Variants in RAB8B observed in about 807,000 individuals in gnomAD.
RAB8B encodes RAB8B, member RAS oncogene family, also known as ras-related protein Rab-8B.
A neutral mutation model predicts 32.0 loss-of-function variants in RAB8B; 11 were observed. The observed-to-expected ratio is 0.34, with a 90% CI of 0.22 to 0.57. RAB8B has a LOEUF of 0.57. Ranked by LOEUF, RAB8B falls within the 20% of genes least tolerant of loss-of-function variation. The pLI is 0.86. For synonymous variants in RAB8B, 103 were observed against 89.6 expected (o/e 1.15, Z -0.85); for missense variants, 190 against 258.5 (o/e 0.73, Z 1.82).
At chr15:63,246,971 T>A (rs2038077487) in intron 2 of RAB8B, among the ~76,000 whole-genome samples, 1 of 152,196 alleles carries the variant, frequency 6.6e-6, no homozygotes, top group African/African-American at 2.4e-5. Flanking sequence ...TCTTATTATA[T>A]GTGTTCCTTA....
chr15:63,247,321 C>T (rs545643633), intron 2 of RAB8B, among the ~76,000 whole-genome samples: 1 of 152,340 alleles, frequency 6.6e-6, no homozygotes, highest in South Asian at 2.1e-4. Flanking sequence ...GGAACACAAA[C>T]TATTAGTCCT....
At chr15:63,222,097 G>A (rs1379708430) in intron 1 of RAB8B, among the ~76,000 whole-genome samples, 1 of 152,212 alleles carries the variant, frequency 6.6e-6, no homozygotes, top group Admixed American at 6.5e-5. Context: ...TAATGCAAGA[G>A]GAGAAAGGGA....
rs533871800 is a variant in RAB8B, at chr15:63,218,245, T to G, written c.125-26511T>G. Among the ~76,000 whole-genome samples, 3 of 152,358 alleles carry G rather than the reference T, an allele frequency of 2.0e-5. No individual in the cohort carries two copies. In the South Asian group the frequency reaches 6.2e-4, roughly 32 times the overall value. The stretch of plus-strand genomic sequence containing the variant: ...CAAGTTACTTATCTGGACCTCTGTT[T>G]CCTCTTACGTTAAATGGGGATTAAA... On this transcript the variant is annotated intron_variant, in intron 1 of 7. Transcript: ENST00000321437.
At chr15:63,211,882 A>G (rs894588773) in intron 1 of RAB8B, among the ~76,000 whole-genome samples, 7 of 152,192 alleles carry the variant, frequency 4.6e-5, no homozygotes, top group Admixed American at 2.6e-4. Context: ...TTTAGGCTGG[A>G]GTGCAGTGGC....
chr15:63,204,551 T>G (rs1457751087), intron 1 of RAB8B, among the ~76,000 whole-genome samples: 1 of 152,208 alleles, frequency 6.6e-6, no homozygotes, highest in Admixed American at 6.5e-5. Context: ...ACAGTGAGTT[T>G]CTGAGTGAAA....
chr15:63,266,142 T>C lies in RAB8B; in HGVS notation c.*2523T>C, dbSNP rs561225286. 2 of 152,722 alleles carry C rather than the reference T, an allele frequency of 1.3e-5. No individual in the cohort carries two copies. The highest frequency in any genetic ancestry group is 2.4e-5 in the African/African-American group (1 of 41,578). 9.5% of individuals were successfully genotyped at this position (152,722 alleles called of 1,614,324 possible). ...CGCTGAAACTGAAGAAATCTAGTTT[T>C]TTTGTGAACATTTTTGTGGTCTTAT... On this transcript the variant is annotated 3_prime_UTR_variant, in exon 8 of 8. Coordinates refer to ENST00000321437, the MANE Select transcript of RAB8B (RefSeq NM_016530.3).
intron 1 of RAB8B, among the ~76,000 whole-genome samples, chr15:63,228,623 G>A (rs2037908615): frequency 6.6e-6 from 1 of 152,200 alleles, no homozygotes; most frequent in African/African-American, 2.4e-5. Flanking sequence ...TAGAGAAAGA[G>A]GAACATATTT....
At chr15:63,212,608 G>A (rs1035530651) in intron 1 of RAB8B, among the ~76,000 whole-genome samples, 1 of 152,184 alleles carries the variant, frequency 6.6e-6, no homozygotes, top group Non-Finnish European at 1.5e-5. Flanking sequence ...GAAAGGAAAT[G>A]TCACTGCTGA....
At chr15:63,213,110 G>C (rs569588043) in intron 1 of RAB8B, among the ~76,000 whole-genome samples, 1 of 152,120 alleles carries the variant, frequency 6.6e-6, no homozygotes, top group South Asian at 2.1e-4. Context: ...TCTAGGTTCT[G>C]ACTATTCTCT....
chr15:63,219,501 C>T (rs1542146), intron 1 of RAB8B, among the ~76,000 whole-genome samples: 149,778 of 151,508 alleles, frequency 0.99, 74,053 homozygotes, highest in East Asian at 1. Flanking sequence ...AACATGACAA[C>T]AGATAAGAGA....
At chr15:63,223,090 G>A (rs1470070484) in intron 1 of RAB8B, 2 of 452,606 alleles carry the variant, frequency 4.4e-6, no homozygotes, top group South Asian at 1.6e-5. Flanking sequence ...ACCCTATATA[G>A]GTATACCATT....
chr15:63,247,643 T>C (rs928363514), intron 2 of RAB8B, among the ~76,000 whole-genome samples: 1 of 152,224 alleles, frequency 6.6e-6, no homozygotes, highest in African/African-American at 2.4e-5. Context: ...AGACAAAACG[T>C]AGAATTCAGA....
At chr15:63,211,657 T>C (rs981752415) in intron 1 of RAB8B, among the ~76,000 whole-genome samples, 4 of 152,162 alleles carry the variant, frequency 2.6e-5, no homozygotes, top group Admixed American at 6.5e-5. Flanking sequence ...GTCATAGTTT[T>C]GGTGGATTTT....
chr15:63,237,592 C>G (rs1044775245), intron 1 of RAB8B, among the ~76,000 whole-genome samples: 1 of 152,036 alleles, frequency 6.6e-6, no homozygotes, highest in Non-Finnish European at 1.5e-5. Context: ...AAGATTTTTT[C>G]CTGTAGAGCT....
intron 1 of RAB8B, among the ~76,000 whole-genome samples, chr15:63,242,769 C>G (rs748308035): frequency 2.0e-5 from 3 of 151,962 alleles, no homozygotes; most frequent in Admixed American, 2.0e-4. Flanking sequence ...TTGGAAACCA[C>G]TTTAAGGGGT....
chr15:63,259,809 C>A lies in RAB8B; in HGVS notation c.480+117C>A. The A allele has an allele frequency of 3.4e-6, 3 of 875,964 alleles. No individual in the cohort carries two copies. Among genetic ancestry groups the A allele is most frequent in the South Asian group, 1.6e-5 (1 of 64,192 alleles). 54.3% of individuals were successfully genotyped at this position (875,964 alleles called of 1,614,324 possible). A position where few individuals can be genotyped will look rare whatever the true frequency, so the allele number is the denominator to read the frequency against. ...ACCTAATGAATGCCTTTTGTTGACCCAACTCTACTTTGTACACTTTTGTGC... is the reference window on the plus strand; with the variant it reads ...ACCTAATGAATGCCTTTTGTTGACCAAACTCTACTTTGTACACTTTTGTGC... On this transcript the variant is annotated intron_variant, in intron 6 of 7. Coordinates refer to ENST00000321437, the MANE Select transcript of RAB8B (RefSeq NM_016530.3). The surrounding 1 kb of genome is among the most constrained non-coding windows in gnomAD (Gnocchi z 4.4).
intron 1 of RAB8B, among the ~76,000 whole-genome samples, chr15:63,240,641 T>C (rs2038024491): frequency 6.6e-6 from 1 of 152,282 alleles, no homozygotes; most frequent in East Asian, 1.9e-4. Flanking sequence ...GACTTTGTTC[T>C]GCAGCCGTTG....
chr15:63,255,721 C>T (rs1177395334), intron 4 of RAB8B, 137 bp downstream of exon 4: 1 of 633,028 alleles, frequency 1.6e-6, no homozygotes, highest in African/African-American at 1.8e-5. Flanking sequence ...CTGAAGAGCT[C>T]CATAAATCTC....
chr15:63,257,063 C>G (rs1218739544), intron 5 of RAB8B, among the ~76,000 whole-genome samples: 1 of 152,124 alleles, frequency 6.6e-6, no homozygotes, highest in Non-Finnish European at 1.5e-5. Context: ...TGTAACTGAT[C>G]AAGCTATGGA....
Sources: gnomAD v4.1 joint callset for allele counts (sites outside exome capture counted in the v4.1 genomes callset) on GRCh38, gnomAD v4.1.1 for gene constraint, Gnocchi (gnomAD v3.1) non-coding constraint, MANE v1.5 for transcripts, NCBI Gene and HGNC (gene_info 2026-07-23, HGNC 2026-07-21) for gene names.